Variants in WDFY4 observed in about 807,000 individuals in gnomAD.
WDFY4 encodes the protein WD repeat- and FYVE domain-containing protein 4.
WDFY4 carries 169 observed loss-of-function variants against 351.9 expected under a neutral mutation model. That is an observed-to-expected ratio of 0.48 (90% CI 0.42 to 0.55). The LOEUF is 0.55. Ranked by LOEUF, WDFY4 falls within the 20% of genes least tolerant of loss-of-function variation. The pLI is 0.00. For synonymous variants in WDFY4, 1,622 were observed against 1,574.6 expected, an observed-to-expected ratio of 1.03 and a Z score of -0.71; for missense variants, 3,803 against 3,935.6, an observed-to-expected ratio of 0.97 and a Z score of 0.90.
rs1424108712 is a variant in WDFY4 at position 48,787,879 on chromosome 10, TTTCTTCTTCTTCTCC to T, written c.3809-637_3809-623del. ...CTTCTTTCTTCTTCTTTCTTCTTTC[TTTCTTCTTCTTCTCC>T]TTCTTCTTCTTCTTCTTCTTCTTCT... On this transcript the variant is annotated intron_variant, in intron 20 of 61. Transcript: ENST00000325239. Among the ~76,000 whole-genome samples the T allele has an allele frequency of 3.8e-3, 397 of 104,414 alleles. 27 individuals are homozygous for T. Among genetic ancestry groups the T allele is most frequent in the African/African-American group, 6.4e-3 (103 of 16,030 alleles). The allele number at this position is 104,414 out of a possible 152,430, so 68.5% of individuals were successfully genotyped here.
intron 13 of WDFY4, among the ~76,000 whole-genome samples, chr10:48,761,102 A>T (rs1387191745): frequency 6.6e-6 from 1 of 152,158 alleles, no homozygotes; most frequent in Non-Finnish European, 1.5e-5. Flanking sequence ...AGCCGTCTCT[A>T]GATGGTGACA....
intron 2 of WDFY4, 63 bp downstream of exon 2, chr10:48,710,029 T>C (rs1018982862): frequency 7.1e-7 from 1 of 1,408,924 alleles, no homozygotes; most frequent in African/African-American, 1.4e-5. Context: ...CTGGGATGAT[T>C]GCATAGTGAA....
chr10:48,915,979 G>T (rs996509535), intron 47 of WDFY4, among the ~76,000 whole-genome samples: 18 of 152,138 alleles, frequency 1.2e-4, no homozygotes, highest in Admixed American at 9.2e-4. Context: ...GGATAAAACA[G>T]CTTAAAAAAC....
At chr10:48,914,236 C>T in intron 47 of WDFY4, 1 of 1,453,978 alleles carries the variant, frequency 6.9e-7, no homozygotes, top group African/African-American at 1.4e-5. Context: ...TGAAAAACTG[C>T]TGAAAGATAA....
intron 13 of WDFY4, among the ~76,000 whole-genome samples, chr10:48,764,906 A>G (rs1179117512): frequency 6.6e-6 from 1 of 152,248 alleles, no homozygotes; most frequent in Non-Finnish European, 1.5e-5. Flanking sequence ...GGGACACAGG[A>G]GAGGGAAAGA....
In WDFY4 at chr10:48,787,889, TTCTCCTTCTTCTTC is replaced by T. The variant is rs2066492496; in HGVS notation, c.3809-639_3809-626del. On this transcript the variant is annotated intron_variant, in intron 20 of 61. Transcript: ENST00000325239. ...CTTCTTTCTTCTTTCTTTCTTCTTC[TTCTCCTTCTTCTTC>T]TTCTTCTTCTTCTTCTTCTTCTTCT... 1.0e-4 allele frequency among the ~76,000 whole-genome samples: 8 copies of T among 79,048 alleles called. No homozygotes were observed. The East Asian group carries it at 2.2e-3, about 22-fold the overall frequency. 51.9% of individuals were successfully genotyped at this position (79,048 alleles called of 152,430 possible). A position where few individuals can be genotyped will look rare whatever the true frequency, so the allele number is the denominator to read the frequency against.
intron 59 of WDFY4, 84 bp downstream of exon 59, chr10:48,977,063 C>G: frequency 7.7e-7 from 1 of 1,291,642 alleles, no homozygotes; most frequent in Non-Finnish European, 9.9e-7. Context: ...GGGGGCCAAA[C>G]CTGCAGGTTG....
At chr10:48,795,535 A>T (rs1403193654) in intron 23 of WDFY4, among the ~76,000 whole-genome samples, 1 of 61,404 alleles carries the variant, frequency 1.6e-5, no homozygotes, top group Non-Finnish European at 2.8e-5. Flanking sequence ...ATATATATAT[A>T]CACACACATG....
intron 47 of WDFY4, among the ~76,000 whole-genome samples, chr10:48,929,958 G>T (rs1307258288): frequency 1.3e-5 from 2 of 151,654 alleles, no homozygotes; most frequent in African/African-American, 4.9e-5. Context: ...ATAGCATCTG[G>T]CATCTAAATG....
chr10:48,911,847 T>C (rs779994478), intron 47 of WDFY4, among the ~76,000 whole-genome samples: 4 of 152,196 alleles, frequency 2.6e-5, no homozygotes, highest in Non-Finnish European at 1.5e-5. Flanking sequence ...AATCTAGATC[T>C]CCCAAGGTTT....
At chr10:48,853,895 G>C (rs546227643) in intron 39 of WDFY4, among the ~76,000 whole-genome samples, 1,621 of 152,248 alleles carry the variant, frequency 0.011, 26 homozygotes, top group African/African-American at 0.037. Context: ...GTAATCTAGT[G>C]CCTGGAAAAT....
At chr10:48,908,427 A>G (rs1427465483) in intron 47 of WDFY4, among the ~76,000 whole-genome samples, 2 of 152,260 alleles carry the variant, frequency 1.3e-5, no homozygotes, top group African/African-American at 4.8e-5. Flanking sequence ...ATCTGCAAGA[A>G]TAAGATCAAC....
chr10:48,879,769 C>T (rs2070172528), intron 43 of WDFY4, among the ~76,000 whole-genome samples: 1 of 152,144 alleles, frequency 6.6e-6, no homozygotes, highest in Non-Finnish European at 1.5e-5. Flanking sequence ...TGCCAGGGTT[C>T]ATCTGTTTCT....
intron 24 of WDFY4, among the ~76,000 whole-genome samples, chr10:48,796,860 T>A: frequency 6.6e-6 from 1 of 151,858 alleles, no homozygotes; most frequent in Middle Eastern, 3.2e-3. Context: ...AAGGGGTGAG[T>A]TAAGGGATGC....
At chr10:48,812,877 C>T (rs947908745) in intron 30 of WDFY4, among the ~76,000 whole-genome samples, 13 of 152,298 alleles carry the variant, frequency 8.5e-5, no homozygotes, top group African/African-American at 2.9e-4. Flanking sequence ...TCTGTGCTCA[C>T]CCACCCTGCT....
intron 39 of WDFY4, among the ~76,000 whole-genome samples, chr10:48,842,284 C>A (rs2068632874): frequency 6.6e-6 from 1 of 151,784 alleles, no homozygotes; most frequent in African/African-American, 2.4e-5. Flanking sequence ...GGAAGCTATC[C>A]TGAGGGCCCA....
chr10:48,867,307 G>C lies in WDFY4; in HGVS notation c.6706G>C (p.Glu2236Gln), dbSNP rs1411152329. Residue 2236 changes from glutamate (E) to glutamine (Q), a missense_variant, in exon 40 of 62, where the codon GAG becomes CAG. By Grantham distance (29) the Glu-to-Gln change is conservative. Around this residue, in one of 3 missense-constraint regions of WDFY4, gnomAD observed 3,054 missense variants for 3,148.6 expected, o/e 0.97. Transcript: ENST00000325239. ...CIENYRRRGQ[E>Q]LYASLYKDHV... ...AGAGAACTACAGAAGAAGAGGACAAGAGCTATATGCATCTTTATACAAAGA... is the reference window on the plus strand; with the variant it reads ...AGAGAACTACAGAAGAAGAGGACAACAGCTATATGCATCTTTATACAAAGA... 1.3e-6 allele frequency: 2 copies of C among 1,506,202 alleles called. No homozygotes were observed. The highest frequency in any genetic ancestry group is 1.8e-6 in the Non-Finnish European group (2 of 1,123,308). The allele number at this position is 1,506,202 out of a possible 1,614,324, so 93.3% of individuals were successfully genotyped here. A position where few individuals can be genotyped will look rare whatever the true frequency, so the allele number is the denominator to read the frequency against.
chr10:48,795,489 C>CTATATATA (rs2066825682), intron 23 of WDFY4, among the ~76,000 whole-genome samples: 1 of 71,654 alleles, frequency 1.4e-5, no homozygotes, highest in African/African-American at 5.4e-5. Flanking sequence ...ATGTGTGTGT[C>CTATATATA]TGTATATATA....
At chr10:48,899,271 A>G (rs1234195545) in intron 45 of WDFY4, among the ~76,000 whole-genome samples, 1 of 152,226 alleles carries the variant, frequency 6.6e-6, no homozygotes, top group Non-Finnish European at 1.5e-5. Flanking sequence ...CCTGTTTTGC[A>G]CATTATTTAT....
Sources: allele counts gnomAD v4.1 joint callset (sites outside exome capture counted in the v4.1 genomes callset), GRCh38; gene constraint gnomAD v4.1.1; regional missense constraint gnomAD v4.1.1; transcripts MANE v1.5; gene names NCBI Gene and HGNC (gene_info 2026-07-23, HGNC 2026-07-21).